The following CFAP57 variants were observed in gnomAD, a reference collection of about 807,000 sequenced individuals.
The protein encoded by CFAP57 is cilia- and flagella-associated protein 57.
A neutral mutation model predicts 146.8 loss-of-function variants in CFAP57; 116 were observed. The observed-to-expected ratio is 0.79, with a 90% confidence interval of 0.68 to 0.92. The LOEUF is 0.92. Ranked by LOEUF, CFAP57 falls within the 40% of genes least tolerant of loss-of-function variation. The pLI is 0.00. For missense variants in CFAP57, 1,377 were observed against 1,527.2 expected (o/e 0.90, Z 1.64); for synonymous variants, 518 against 552.8 (o/e 0.94, Z 0.88).
At chr1:43,228,224 C>CACTG (rs879656637) in intron 18 of CFAP57, among the ~76,000 whole-genome samples, 3 of 152,232 alleles carry the variant, frequency 2.0e-5, no homozygotes, top group Admixed American at 6.5e-5. Context: ...TGCTCCAGCC[C>CACTG]ACTGACTTTC....
Position 43,224,066 on chromosome 1 carries a change from G to A in CFAP57, c.2727G>A (p.Glu909=), listed in dbSNP as rs1220005989. ...MRKKFSSLQK[E]IEERTNDIET... ...TCTAGTTCAGCAGCCTACAGAAGGA[G>A]ATTGAAGAACGAACCAATGACATCG... The change falls in exon 17 of 23, where the codon GAG becomes GAA. Residue 909 remains glutamate (E), a synonymous_variant. Coordinates refer to ENST00000372492, the MANE Select transcript of CFAP57 (RefSeq NM_001378189.1). 6.4e-7 allele frequency: 1 copy of A among 1,550,562 alleles called. No homozygotes were observed. Among genetic ancestry groups the A allele is most frequent in the Non-Finnish European group, 8.7e-7 (1 of 1,146,972 alleles).
At position 43,219,410 on chromosome 1, in the gene CFAP57, G is replaced by A. The variant is rs1023728196; in HGVS notation, c.2120G>A (p.Arg707His). ...KAQVMLELKT[R>H]VEELKMENEY... ...CAGGTTATGTTGGAGCTAAAGACTC[G>A]TGTGGAGGAATTAAAAATGGAGAAT... is the stretch of plus-strand genomic sequence containing the variant. Residue 707 changes from arginine (R) to histidine (H), a missense_variant, in exon 13 of 23, where the codon CGT (arginine) becomes CAT (histidine). Coordinates refer to ENST00000372492, the MANE Select transcript of CFAP57 (RefSeq NM_001378189.1). 1.1e-5 allele frequency: 17 copies of A among 1,550,574 alleles called. No homozygotes were observed. Among genetic ancestry groups the A allele is most frequent in the African/African-American group, 1.4e-5 (1 of 73,030 alleles).
In CFAP57 at chr1:43,221,274, T is replaced by C. The variant is rs1225124533; in HGVS notation, c.2248-98T>C. On this transcript the variant is annotated intron_variant, in intron 13 of 22. Coordinates refer to ENST00000372492, the MANE Select transcript of CFAP57 (RefSeq NM_001378189.1). Reference sequence around the variant, plus strand: ...GTGCAAAATGAGGGCTTGAGAAATGTTTGTGAGTGAAGGAGGGTGTTACTT... The same window carrying C: ...GTGCAAAATGAGGGCTTGAGAAATGCTTGTGAGTGAAGGAGGGTGTTACTT... 3.8e-6 allele frequency: 3 copies of C among 790,166 alleles called. No homozygotes were observed. The East Asian group carries it at 8.6e-5, about 23-fold the overall frequency. 48.9% of individuals were successfully genotyped at this position (790,166 alleles called of 1,614,324 possible). A position where few individuals can be genotyped will look rare whatever the true frequency, so the allele number is the denominator to read the frequency against.
At position 43,183,772 on chromosome 1, in the gene CFAP57, A is replaced by G. The variant is rs1389351241; in HGVS notation, c.656A>G (p.Lys219Arg). 2 of 1,614,208 alleles carry G rather than the reference A, an allele frequency of 1.2e-6. No homozygotes were observed. The highest frequency in any genetic ancestry group is 2.2e-5 in the South Asian group (2 of 91,086). Reference protein sequence around the residue: ...DKIVVGTDTGKLFLFESGDQR... With the variant: ...DKIVVGTDTGRLFLFESGDQR... The stretch of plus-strand genomic sequence containing the variant: ...ATTGTCGTTGGCACTGACACAGGCA[A>G]ACTCTTCCTCTTTGAATCTGGAGAT... Residue 219 changes from lysine to arginine, a missense_variant, in exon 4 of 23, where the codon AAA (lysine) becomes AGA (arginine). Lys to Arg is a conservative substitution (Grantham distance 26). Coordinates refer to ENST00000372492, the MANE Select transcript of CFAP57 (RefSeq NM_001378189.1).
rs567333100 is a variant in CFAP57, at chr1:43,200,665, T to C, written c.1542+1162T>C. Among the ~76,000 whole-genome samples the C allele has an allele frequency of 1.9e-3, 283 of 152,232 alleles. 1 individual carries two copies. Among genetic ancestry groups the C allele is most frequent in the African/African-American group, 6.6e-3 (275 of 41,548 alleles). ...AGGCCATTGGAAAAGAGAGGCATTC[T>C]AGGCAGAAGGACTTGTTGGAGATGA... On this transcript the variant is annotated intron_variant, in intron 9 of 22. Transcript: ENST00000372492.
chr1:43,177,320 G>A, intron 2 of CFAP57: 1 of 404,830 alleles, frequency 2.5e-6, no homozygotes, highest in Non-Finnish European at 5.0e-6. Context: ...CATGTGGGGT[G>A]GAAGCAGGAA....
intron 9 of CFAP57, 115 bp from the exon 10 acceptor site, chr1:43,206,605 C>A: frequency 2.0e-6 from 2 of 997,226 alleles, no homozygotes; most frequent in Non-Finnish European, 3.2e-6. Context: ...GGGCCTACAG[C>A]AGGAAAGGAC....
Position 43,254,129 on chromosome 1 carries a change from G to T in CFAP57, c.3691G>T (p.Ala1231Ser). ...GCAGGTCACAGGGTTCCACACCCTCGCTGGAGTTCGGCTTCCTTCCCTCTC... is the reference window on the plus strand; with the variant it reads ...GCAGGTCACAGGGTTCCACACCCTCTCTGGAGTTCGGCTTCCTTCCCTCTC... Reference protein sequence around the residue: ...QEQVTGFHTLAGVRLPSLSNS... With the variant: ...QEQVTGFHTLSGVRLPSLSNS... Residue 1231 changes from alanine (A) to serine (S), a missense_variant, in exon 23 of 23, where the codon GCT becomes TCT. Physicochemically the swap from Ala to Ser is moderately conservative, Grantham distance 99 (BLOSUM62 1). Coordinates refer to ENST00000372492, the MANE Select transcript of CFAP57 (RefSeq NM_001378189.1). 1.3e-6 allele frequency: 2 copies of T among 1,550,698 alleles called. No individual in the cohort carries two copies. The highest frequency in any genetic ancestry group is 1.7e-6 in the Non-Finnish European group (2 of 1,147,034).
chr1:43,233,844 C>G (rs1235404794), intron 19 of CFAP57, among the ~76,000 whole-genome samples: 2 of 152,182 alleles, frequency 1.3e-5, no homozygotes, highest in East Asian at 1.9e-4. Context: ...AGGGTAAGCA[C>G]TGGATGAGCT....
chr1:43,243,177 A>T, intron 21 of CFAP57, 50 bp from the exon 22 acceptor site: 1 of 1,541,818 alleles, frequency 6.5e-7, no homozygotes, highest in Non-Finnish European at 8.8e-7. Flanking sequence ...CCTTGTGCCC[A>T]CTGACCACTC....
At chr1:43,226,827 G>T (rs932406731) in intron 17 of CFAP57, among the ~76,000 whole-genome samples, 156 bp from the exon 18 acceptor site, 18 of 152,308 alleles carry the variant, frequency 1.2e-4, no homozygotes, top group South Asian at 4.1e-4. Flanking sequence ...CCCATGGGGG[G>T]AGTGCCAGCC....
chr1:43,243,155 C>T (rs1019404147), intron 21 of CFAP57, 72 bp from the exon 22 acceptor site: 4 of 1,510,670 alleles, frequency 2.6e-6, no homozygotes, highest in Middle Eastern at 1.7e-4. Flanking sequence ...ACACTCAGCC[C>T]AGGAGGGTAT....
At chr1:43,221,672 AAGT>A (rs1317837637) in intron 14 of CFAP57, among the ~76,000 whole-genome samples, 1 of 152,156 alleles carries the variant, frequency 6.6e-6, no homozygotes, top group East Asian at 1.9e-4. Flanking sequence ...TATTGCATGA[AAGT>A]AGGAGGCACG....
chr1:43,212,621 G>T (rs935613274), intron 11 of CFAP57, among the ~76,000 whole-genome samples: 1 of 151,768 alleles, frequency 6.6e-6, no homozygotes, highest in Non-Finnish European at 1.5e-5. Context: ...ACCTTACTCT[G>T]CTATCAAACA....
chr1:43,206,808 G>A lies in CFAP57; in HGVS notation c.1631G>A (p.Gly544Glu), dbSNP rs777350310. The change falls in exon 10 of 23, where the codon GGA becomes GAA. Residue 544 changes from glycine to glutamate, a missense_variant. Gly to Glu is a moderately conservative substitution (Grantham distance 98). Transcript: ENST00000372492. The part of the protein sequence containing the change: ...GAVYEWNLST[G>E]KRETECVLKS... Reference sequence around the variant, plus strand: ...GTGTATGAATGGAATCTGTCCACAGGAAAGAGAGAGACAGAATGCGTGCTC... The same window carrying A: ...GTGTATGAATGGAATCTGTCCACAGAAAAGAGAGAGACAGAATGCGTGCTC... The A allele has an allele frequency of 3.1e-6, 5 of 1,614,054 alleles. No homozygotes were observed. The East Asian group carries it at 8.9e-5, about 29-fold the overall frequency.
chr1:43,195,854 GA>G (rs1643845605), intron 6 of CFAP57, among the ~76,000 whole-genome samples: 1 of 152,092 alleles, frequency 6.6e-6, no homozygotes, highest in Non-Finnish European at 1.5e-5. Context: ...TCATAGGGAG[GA>G]ACAGAAGTAA....
chr1:43,221,710 T>C (rs1645050476), intron 14 of CFAP57, among the ~76,000 whole-genome samples: 1 of 152,206 alleles, frequency 6.6e-6, no homozygotes, highest in Admixed American at 6.5e-5. Flanking sequence ...TGGAACCTGA[T>C]AGTCTTGCCT....
intron 21 of CFAP57, among the ~76,000 whole-genome samples, chr1:43,240,169 C>T (rs1414866483): frequency 7.1e-6 from 1 of 141,012 alleles, no homozygotes; most frequent in Non-Finnish European, 1.6e-5. Context: ...CCCTCCCAAA[C>T]TGGGGAGACC....
At chr1:43,219,332 G>T in intron 12 of CFAP57, 50 bp from the exon 13 acceptor site, 2 of 1,515,278 alleles carry the variant, frequency 1.3e-6, no homozygotes, top group South Asian at 1.3e-5. Flanking sequence ...TAAATATTCT[G>T]AGTCACCCTT....
Sources: gnomAD v4.1 joint callset for allele counts (sites outside exome capture counted in the v4.1 genomes callset) on GRCh38, gnomAD v4.1.1 for gene constraint, MANE v1.5 for transcripts, NCBI Gene and HGNC (gene_info 2026-07-23, HGNC 2026-07-21) for gene names.